The following MICAL2 variants were observed in gnomAD, a reference collection of about 807,000 sequenced individuals.
MICAL2 encodes [F-actin]-monooxygenase MICAL2.
In MICAL2, 77 loss-of-function variants were observed where a neutral mutation model predicts 127.3. That is an observed-to-expected ratio of 0.60 (90% confidence interval 0.50 to 0.73). The LOEUF is 0.73. Among genes scored for constraint, MICAL2 ranks in the 30% least tolerant of loss-of-function variants. The pLI is 0.00. For synonymous variants in MICAL2, 570 were observed against 551.1 expected, an observed-to-expected ratio of 1.03 and a Z score of -0.48; for missense variants, 1,351 against 1,434.4, an observed-to-expected ratio of 0.94 and a Z score of 0.94.
chr11:12,201,255 A>T (rs1860689055), intron 3 of MICAL2, among the ~76,000 whole-genome samples: 1 of 151,978 alleles, frequency 6.6e-6, no homozygotes, highest in Non-Finnish European at 1.5e-5. Context: ...GGTGTCTACA[A>T]ACTCTCTGGA....
rs1199477292 is a variant in MICAL2 at position 12,216,464 on chromosome 11, G to T, written c.948+145G>T. The T allele has an allele frequency of 1.9e-5, 12 of 647,362 alleles. No homozygotes were observed. In the South Asian group the frequency reaches 2.2e-4, roughly 12 times the overall value. 40.1% of individuals were successfully genotyped at this position (647,362 alleles called of 1,614,324 possible). A position where few individuals can be genotyped will look rare whatever the true frequency, so the allele number is the denominator to read the frequency against. On this transcript the variant is annotated intron_variant, in intron 8 of 27. Transcript: ENST00000683283. The stretch of plus-strand genomic sequence containing the variant: ...ACCAGCTTACACCCTTCTTTTTCTT[G>T]GTGTTACATGAGTATTGGATAAAGG...
intron 32 of MICAL2, among the ~76,000 whole-genome samples, chr11:12,343,283 T>A (rs1938899200): frequency 6.6e-6 from 1 of 151,610 alleles, no homozygotes; most frequent in Non-Finnish European, 1.5e-5. Flanking sequence ...TGGCAGGTGC[T>A]TGTAATCTCA....
intron 1 of MICAL2, among the ~76,000 whole-genome samples, chr11:12,119,459 G>A (rs1387638979): frequency 3.9e-5 from 6 of 152,184 alleles, no homozygotes; most frequent in Non-Finnish European, 8.8e-5. Flanking sequence ...TGATTTTAGA[G>A]CAGCACTTAA....
At chr11:12,220,501 G>A in intron 9 of MICAL2, 43 bp downstream of exon 9, 1 of 1,589,654 alleles carries the variant, frequency 6.3e-7, no homozygotes, top group Non-Finnish European at 8.5e-7. Flanking sequence ...CTGCGAGACA[G>A]ATCCCACGTT....
chr11:12,150,309 T>C (rs1353324869), intron 2 of MICAL2, among the ~76,000 whole-genome samples: 2 of 151,560 alleles, frequency 1.3e-5, no homozygotes, highest in Non-Finnish European at 1.5e-5. Context: ...TTGAGAAAAA[T>C]GAGGTCAAAT....
chr11:12,330,896 A>AGTGTGT (rs1461125821), intron 32 of MICAL2, among the ~76,000 whole-genome samples: 27 of 116,754 alleles, frequency 2.3e-4, no homozygotes, highest in Non-Finnish European at 3.6e-4. Flanking sequence ...AGAGAGAGAG[A>AGTGTGT]GAGAGTGTGT....
In MICAL2 at chr11:12,239,582, G is replaced by A. The variant is rs1370064667; in HGVS notation, c.2211G>A (p.Lys737=). 6.2e-7 allele frequency: 1 copy of A among 1,614,008 alleles called. No individual in the cohort carries two copies. The highest frequency in any genetic ancestry group is 8.5e-7 in the Non-Finnish European group (1 of 1,179,950). ...GCACTCGGAACCCCTCACTCATGAA[G>A]CAGGTGAGTCATGTCAAATACTCAC... ...EESTRNPSLM[K]QERRVSGIGK... The change falls in exon 17 of 28, where the codon AAG becomes AAA. Residue 737 remains lysine (K), a synonymous_variant. Transcript: ENST00000683283.
At chr11:12,349,766 G>T in intron 32 of MICAL2, 1 of 1,442,660 alleles carries the variant, frequency 6.9e-7, no homozygotes, top group Non-Finnish European at 9.7e-7. Context: ...ACCTGCTAAA[G>T]TGGCTCAAAG....
chr11:12,359,652 T>G (rs1435590843), downstream of MICAL2, among the ~76,000 whole-genome samples: 8 of 152,122 alleles, frequency 5.3e-5, no homozygotes, highest in African/African-American at 7.2e-5. Context: ...TGTGCTGACA[T>G]GTTGGAATTC....
At chr11:12,286,446 C>A (rs1863827967) in intron 2 of MICAL2, among the ~76,000 whole-genome samples, 1 of 152,162 alleles carries the variant, frequency 6.6e-6, no homozygotes, top group African/African-American at 2.4e-5. Flanking sequence ...TGTACACATG[C>A]ATGTATAAAT....
At chr11:12,270,461 T>C (rs59709231) in intron 24 of MICAL2, among the ~76,000 whole-genome samples, 16,519 of 152,222 alleles carry the variant, frequency 0.11, 1,661 homozygotes, top group African/African-American at 0.27. Context: ...CTTGCAGCAG[T>C]GGCAGTGTTG....
At chr11:12,160,478 C>G (rs533114217) in intron 2 of MICAL2, among the ~76,000 whole-genome samples, 2 of 152,158 alleles carry the variant, frequency 1.3e-5, no homozygotes, top group African/African-American at 4.8e-5. Flanking sequence ...CCACCACGTG[C>G]GCTGGACATC....
At chr11:12,308,939 G>A (rs1590731830) in intron 29 of MICAL2, among the ~76,000 whole-genome samples, 2 of 152,184 alleles carry the variant, frequency 1.3e-5, no homozygotes, top group East Asian at 3.8e-4. Context: ...CACGAGTAAT[G>A]ATAAATGTAA....
At chr11:12,354,692 A>AAG in intron 33 of MICAL2, 1 of 1,001,234 alleles carries the variant, frequency 1.0e-6, no homozygotes, top group Non-Finnish European at 1.5e-6. Context: ...ATTAGGAAAA[A>AAG]AGAATGCTGT....
chr11:12,256,693 G>T lies in MICAL2; in HGVS notation c.2956-92G>T, dbSNP rs1862371979. On this transcript the variant is annotated intron_variant, in intron 23 of 27. Coordinates refer to ENST00000683283, the MANE Select transcript of MICAL2 (RefSeq NM_001282663.2). ...GAAGCAGAAGCCCACGAGGTCCCCA[G>T]CATTCAGTGTGGAATTTCTAAAAGC... 1.5e-5 allele frequency: 19 copies of T among 1,237,172 alleles called. 1 individual carries two copies. The Middle Eastern group carries it at 1.4e-3, about 93-fold the overall frequency. 76.6% of individuals were successfully genotyped at this position (1,237,172 alleles called of 1,614,324 possible).
chr11:12,277,126 G>C (rs1485732533), intron 1 of MICAL2, among the ~76,000 whole-genome samples: 1 of 152,104 alleles, frequency 6.6e-6, no homozygotes, highest in Non-Finnish European at 1.5e-5. Context: ...TTGTGGTCTT[G>C]GTGGGCTCGC....
At chr11:12,352,696 CA>C (rs2134904467) in intron 33 of MICAL2, among the ~76,000 whole-genome samples, 1 of 152,282 alleles carries the variant, frequency 6.6e-6, no homozygotes, top group East Asian at 1.9e-4. Flanking sequence ...CTTCAAAGAA[CA>C]AGAGGTCTAT....
chr11:12,320,052 T>G (rs1296982507), intron 30 of MICAL2, among the ~76,000 whole-genome samples: 1 of 152,296 alleles, frequency 6.6e-6, no homozygotes, highest in Non-Finnish European at 1.5e-5. Flanking sequence ...ACATATTTAC[T>G]TGAAACCATT....
At chr11:12,155,346 A>C (rs1314388021) in intron 2 of MICAL2, among the ~76,000 whole-genome samples, 1 of 152,034 alleles carries the variant, frequency 6.6e-6, no homozygotes, top group Admixed American at 6.5e-5. Context: ...ATACATGTAC[A>C]TACACATGCT....
Sources: allele counts gnomAD v4.1 joint callset (sites outside exome capture counted in the v4.1 genomes callset), GRCh38; gene constraint gnomAD v4.1.1; transcripts MANE v1.5; gene names NCBI Gene and HGNC (gene_info 2026-07-23, HGNC 2026-07-21).